EGFR: variants seen among roughly 807,000 people sequenced by gnomAD.
The protein encoded by EGFR is epidermal growth factor receptor, also known as avian erythroblastic leukemia viral (v-erb-b) oncogene homolog.
EGFR carries 58 observed loss-of-function variants against 143.0 expected under a neutral mutation model. That is an observed-to-expected ratio of 0.41 (90% CI 0.33 to 0.50). The LOEUF (loss-of-function observed/expected upper bound fraction) is 0.50. Ranked by LOEUF, EGFR falls within the 20% of genes least tolerant of loss-of-function variation. The pLI is 0.39. For missense variants in EGFR, 1,307 were observed against 1,579.0 expected (o/e 0.83, Z 2.92); for synonymous variants, 613 against 594.4 (o/e 1.03, Z -0.45).
chr7:55,087,963 G>C (rs962598407), intron 1 of EGFR, among the ~76,000 whole-genome samples: 13 of 152,190 alleles, frequency 8.5e-5, no homozygotes, highest in Non-Finnish European at 1.3e-4. Context: ...GTGTGTATGT[G>C]TGTTGGTGGC....
chr7:55,201,845 G>A (rs1787863622), intron 26 of EGFR, 63 bp downstream of exon 26: 1 of 1,561,154 alleles, frequency 6.4e-7, no homozygotes, highest in African/African-American at 1.4e-5. Flanking sequence ...ATTTTACATG[G>A]AAAATGCCTT....
At chr7:55,069,557 C>A (rs974604756) in intron 1 of EGFR, among the ~76,000 whole-genome samples, 1 of 152,214 alleles carries the variant, frequency 6.6e-6, no homozygotes, top group Non-Finnish European at 1.5e-5. Context: ...GAACCCAGCA[C>A]GTACTTTACC....
rs192123128 is a variant in EGFR, at chr7:55,169,810, G to A, written c.1881-1365G>A. 2.6e-3 allele frequency among the ~76,000 whole-genome samples: 394 copies of A among 152,318 alleles called. 3 individuals are homozygous for A. In the Middle Eastern group the frequency reaches 0.034, roughly 13 times the overall value. The stretch of plus-strand genomic sequence containing the variant: ...TCAACTGGTCTACCTTTCCCTACAA[G>A]TCTGTCACAGCTTCTTGTTAGCAAT... On this transcript the variant is annotated intron_variant, in intron 15 of 27. Transcript: ENST00000275493.
intron 1 of EGFR, among the ~76,000 whole-genome samples, chr7:55,076,733 G>A (rs948645068): frequency 1.3e-5 from 2 of 152,116 alleles, no homozygotes; most frequent in Admixed American, 6.5e-5. Context: ...TTCATTAGTA[G>A]AGCACATGGT....
intron 1 of EGFR, among the ~76,000 whole-genome samples, chr7:55,057,973 G>A (rs893134732): frequency 9.9e-5 from 15 of 152,272 alleles, no homozygotes; most frequent in African/African-American, 2.9e-4. Context: ...TTTGTTATTA[G>A]CCGAAACAAG....
intron 25 of EGFR, 145 bp from the exon 26 acceptor site, chr7:55,201,590 C>T (rs2128972238): frequency 8.3e-7 from 1 of 1,202,952 alleles, no homozygotes; most frequent in Non-Finnish European, 1.2e-6. Context: ...CAAAACTAAA[C>T]CTAGTTGCTC....
intron 4 of EGFR, among the ~76,000 whole-genome samples, chr7:55,150,438 C>T (rs1401476790): frequency 2.0e-5 from 3 of 152,198 alleles, no homozygotes; most frequent in Non-Finnish European, 4.4e-5. Flanking sequence ...TCTGGCTTCA[C>T]AGTCACATGG....
At chr7:55,082,165 A>G (rs916124442) in intron 1 of EGFR, among the ~76,000 whole-genome samples, 4 of 152,208 alleles carry the variant, frequency 2.6e-5, no homozygotes, top group Non-Finnish European at 4.4e-5. Context: ...AACCAAAGTT[A>G]TTTGATCTTA....
At position 55,208,116 on chromosome 7, in the gene EGFR, A is replaced by G. The variant is rs570295914; in HGVS notation, c.*2499A>G. 1 of 152,222 alleles carries G rather than the reference A, an allele frequency of 6.6e-6. No individual in the cohort carries two copies. The highest frequency in any genetic ancestry group is 2.4e-5 in the African/African-American group (1 of 41,466). The allele number at this position is 152,222 out of a possible 1,614,324, so 9.4% of individuals were successfully genotyped here. ...CTTCTTCATATTTTAATTTTCCACCATAAAGTTTAGTTGCTAAATTCTATT... is the reference window on the plus strand; with the variant it reads ...CTTCTTCATATTTTAATTTTCCACCGTAAAGTTTAGTTGCTAAATTCTATT... On this transcript the variant is annotated 3_prime_UTR_variant, in exon 28 of 28. Coordinates refer to ENST00000275493, the MANE Select transcript of EGFR (RefSeq NM_005228.5).
In EGFR at chr7:55,156,550, A is replaced by C. The variant is rs1284204782; in HGVS notation, c.1024A>C (p.Ile342Leu). ...CTCTGCAGTGTGTAACGGAATAGGT[A>C]TTGGTGAATTTAAAGACTCACTCTC... ...PCRKVCNGIG[I>L]GEFKDSLSIN... Residue 342 changes from isoleucine (I) to leucine (L), a missense_variant, in exon 9 of 28, where the codon ATT (isoleucine) becomes CTT (leucine). By Grantham distance (5) the Ile-to-Leu change is conservative (BLOSUM62 2). Around this residue, in one of 7 missense-constraint regions of EGFR, gnomAD observed 311 missense variants for 412.3 expected, o/e 0.75. Transcript: ENST00000275493. The C allele has an allele frequency of 5.6e-6, 9 of 1,614,114 alleles. No individual in the cohort carries two copies. The highest frequency in any genetic ancestry group is 4.0e-5 in the African/African-American group (3 of 74,942).
At chr7:55,082,492 G>C (rs1209096374) in intron 1 of EGFR, among the ~76,000 whole-genome samples, 1 of 152,188 alleles carries the variant, frequency 6.6e-6, no homozygotes, top group Non-Finnish European at 1.5e-5. Flanking sequence ...CTAAAAAGGA[G>C]ATTGCCTAGA....
intron 1 of EGFR, among the ~76,000 whole-genome samples, chr7:55,079,761 G>A (rs1790358035): frequency 6.6e-6 from 1 of 152,080 alleles, no homozygotes; most frequent in South Asian, 2.1e-4. Context: ...AGGACAGAAA[G>A]GAAGGAAACA....
chr7:55,165,632 C>T (rs1785939017), intron 15 of EGFR, among the ~76,000 whole-genome samples, 195 bp downstream of exon 15: 1 of 152,190 alleles, frequency 6.6e-6, no homozygotes. Context: ...AATGACTCTG[C>T]CATGCACCGT....
chr7:55,048,177 G>A (rs190415373), intron 1 of EGFR, among the ~76,000 whole-genome samples: 5 of 152,114 alleles, frequency 3.3e-5, no homozygotes, highest in East Asian at 1.9e-4. Flanking sequence ...ACCCCCCCTC[G>A]GTTTGTTTTC....
At chr7:55,136,146 G>C (rs1794128631) in intron 1 of EGFR, among the ~76,000 whole-genome samples, 1 of 152,134 alleles carries the variant, frequency 6.6e-6, no homozygotes, top group Admixed American at 6.6e-5. Context: ...GAAATGACCG[G>C]TCCTGATTCA....
chr7:55,159,584 G>T (rs961851764), intron 11 of EGFR, among the ~76,000 whole-genome samples: 2 of 152,172 alleles, frequency 1.3e-5, no homozygotes, highest in Non-Finnish European at 2.9e-5. Flanking sequence ...CCTGCTCTTT[G>T]CTTCCATGTT....
chr7:55,118,230 T>C (rs1584085450), intron 1 of EGFR, among the ~76,000 whole-genome samples: 1 of 152,146 alleles, frequency 6.6e-6, no homozygotes, highest in Non-Finnish European at 1.5e-5. Flanking sequence ...CTGCTCTGAA[T>C]CTATGTCACC....
intron 1 of EGFR, among the ~76,000 whole-genome samples, chr7:55,048,561 A>G (rs1312291915): frequency 6.6e-6 from 1 of 152,202 alleles, no homozygotes; most frequent in Non-Finnish European, 1.5e-5. Flanking sequence ...TATATTGGTT[A>G]AATGCATCTC....
chr7:55,059,387 T>C (rs1267259383), intron 1 of EGFR, among the ~76,000 whole-genome samples: 1 of 152,234 alleles, frequency 6.6e-6, no homozygotes, highest in Non-Finnish European at 1.5e-5. Flanking sequence ...TTCTTTCTCA[T>C]GGTCCCTGCA....
Sources: allele counts gnomAD v4.1 joint callset (sites outside exome capture counted in the v4.1 genomes callset), GRCh38; gene constraint gnomAD v4.1.1; regional missense constraint gnomAD v4.1.1; transcripts MANE v1.5; gene names NCBI Gene and HGNC (gene_info 2026-07-23, HGNC 2026-07-21).